The following DENND1A variants were observed in gnomAD, a reference collection of about 807,000 sequenced individuals.
The protein encoded by DENND1A is DENN domain containing 1A.
DENND1A carries 51 observed loss-of-function variants against 113.7 expected under a neutral mutation model. The ratio of observed to expected loss-of-function variants is 0.45; its 90% confidence interval spans 0.36 to 0.57. DENND1A has a LOEUF of 0.57. DENND1A is among the 20% of genes least tolerant of loss of function. The pLI is 0.00. For missense variants in DENND1A, 1,258 were observed against 1,395.9 expected, an observed-to-expected ratio of 0.90 and a Z score of 1.57; for synonymous variants, 565 against 570.8, an observed-to-expected ratio of 0.99 and a Z score of 0.14.
intron 3 of DENND1A, among the ~76,000 whole-genome samples, chr9:123,779,576 T>C (rs1298554313): frequency 2.0e-5 from 3 of 152,214 alleles, no homozygotes; most frequent in South Asian, 4.1e-4. Context: ...CTTGGCTCAC[T>C]GCAATCTCTG....
intron 5 of DENND1A, among the ~76,000 whole-genome samples, chr9:123,754,741 A>G (rs1327431901): frequency 6.6e-6 from 1 of 152,214 alleles, no homozygotes; most frequent in Non-Finnish European, 1.5e-5. Flanking sequence ...TTTAAAAAAC[A>G]CATCAATTGC....
At chr9:123,631,692 C>G (rs1254963649) in intron 9 of DENND1A, among the ~76,000 whole-genome samples, 1 of 152,194 alleles carries the variant, frequency 6.6e-6, no homozygotes, top group East Asian at 1.9e-4. Context: ...ATCAATTGCT[C>G]TGGCACTGTT....
rs552956786 is a variant in DENND1A, at chr9:123,928,611, T to C, written c.17+1278A>G. Reference sequence around the variant, plus strand: ...TTTCATTACCATAAGCAAACTTTTCTAGTTTCATTCAGCAGATGTCTCAAG... The same window carrying C: ...TTTCATTACCATAAGCAAACTTTTCCAGTTTCATTCAGCAGATGTCTCAAG... On this transcript the variant is annotated intron_variant, in intron 1 of 23. Transcript: ENST00000394215. The C allele has an allele frequency of 1.5e-5, 15 of 985,482 alleles. 1 individual carries two copies. The South Asian group carries it at 6.6e-4, about 43-fold the overall frequency. 61.0% of individuals were successfully genotyped at this position (985,482 alleles called of 1,614,324 possible).
intron 2 of DENND1A, among the ~76,000 whole-genome samples, chr9:123,835,212 C>T (rs952501944): frequency 6.6e-5 from 10 of 151,574 alleles, no homozygotes; most frequent in South Asian, 2.1e-4. Context: ...AAATAGCAAA[C>T]GTGAAAAAGG....
chr9:123,795,504 C>T (rs1401013114), intron 2 of DENND1A, among the ~76,000 whole-genome samples: 1 of 152,184 alleles, frequency 6.6e-6, no homozygotes, highest in African/African-American at 2.4e-5. Flanking sequence ...ACCTAGCACC[C>T]TGCAGTTAAG....
chr9:123,415,337 G>A (rs769104603), intron 19 of DENND1A, among the ~76,000 whole-genome samples: 9 of 152,180 alleles, frequency 5.9e-5, no homozygotes, highest in Non-Finnish European at 1.3e-4. Context: ...TTGTTATGAT[G>A]CTGGAGCATA....
intron 5 of DENND1A, among the ~76,000 whole-genome samples, chr9:123,730,402 T>G (rs2068070830): frequency 6.6e-6 from 1 of 151,574 alleles, no homozygotes; most frequent in Admixed American, 6.6e-5. Context: ...GAACTTAAAT[T>G]TACAAGAAAA....
intron 13 of DENND1A, among the ~76,000 whole-genome samples, chr9:123,538,530 T>C (rs1401308838): frequency 1.3e-5 from 2 of 151,936 alleles, no homozygotes; most frequent in Admixed American, 1.3e-4. Flanking sequence ...TAATATCAGA[T>C]AGCAAGAGAG....
At chr9:123,598,682 C>T (rs930629317) in intron 11 of DENND1A, among the ~76,000 whole-genome samples, 27 of 152,116 alleles carry the variant, frequency 1.8e-4, no homozygotes, top group Non-Finnish European at 3.4e-4. Context: ...AAAATCATAG[C>T]TATCTTTTTC....
intron 19 of DENND1A, among the ~76,000 whole-genome samples, chr9:123,433,752 C>T (rs1200844003): frequency 6.6e-6 from 1 of 152,114 alleles, no homozygotes; most frequent in East Asian, 1.9e-4. Flanking sequence ...CAGATAAAAC[C>T]TTTACGCCTA....
chr9:123,786,787 T>C (rs1832250996), intron 3 of DENND1A, among the ~76,000 whole-genome samples: 1 of 152,300 alleles, frequency 6.6e-6, no homozygotes, highest in African/African-American at 2.4e-5. Flanking sequence ...TCAAATGAAT[T>C]TACAAATTCT....
chr9:123,894,842 G>A (rs1008988006), intron 1 of DENND1A, among the ~76,000 whole-genome samples: 2 of 152,134 alleles, frequency 1.3e-5, no homozygotes, highest in Non-Finnish European at 2.9e-5. Flanking sequence ...GGGAACCAGT[G>A]AGCTACAGCA....
At chr9:123,435,370 C>T (rs960319665) in intron 19 of DENND1A, among the ~76,000 whole-genome samples, 5 of 152,154 alleles carry the variant, frequency 3.3e-5, no homozygotes, top group Non-Finnish European at 5.9e-5. Flanking sequence ...AGAGACAAGC[C>T]GGCAACCACA....
At chr9:123,849,205 T>C (rs761606285) in intron 2 of DENND1A, among the ~76,000 whole-genome samples, 15 of 152,202 alleles carry the variant, frequency 9.9e-5, no homozygotes, top group Admixed American at 2.0e-4. Context: ...CAAAACCAGC[T>C]TCAAAGGACA....
At chr9:123,924,369 T>TA (rs989874967) in intron 1 of DENND1A, among the ~76,000 whole-genome samples, 6 of 152,156 alleles carry the variant, frequency 3.9e-5, no homozygotes, top group African/African-American at 9.7e-5. Context: ...TAAAACCACT[T>TA]AAAAAAGTAA....
At position 123,414,298 on chromosome 9, in the gene DENND1A, C is replaced by T; in HGVS notation, c.1489-2469G>A. ...CGTCAGGTTCTTTGCACAGTGCCAC[C>T]AACAGACATTAGCAACCATTACCAT... On this transcript the variant is annotated intron_variant, in intron 19 of 23. Coordinates refer to ENST00000394215, the MANE Select transcript of DENND1A (RefSeq NM_001352964.2). The T allele has an allele frequency of 2.9e-6, 4 of 1,385,182 alleles. No homozygotes were observed. In the South Asian group the frequency reaches 4.8e-5, roughly 17 times the overall value. The allele number at this position is 1,385,182 out of a possible 1,614,324, so 85.8% of individuals were successfully genotyped here. A position where few individuals can be genotyped will look rare whatever the true frequency, so the allele number is the denominator to read the frequency against.
intron 2 of DENND1A, among the ~76,000 whole-genome samples, chr9:123,867,427 C>A (rs896945263): frequency 1.3e-5 from 2 of 152,120 alleles, no homozygotes; most frequent in African/African-American, 4.8e-5. Context: ...CTGGGGAAAT[C>A]AGTCTTACAT....
intron 5 of DENND1A, among the ~76,000 whole-genome samples, chr9:123,700,747 G>T (rs1040663241): frequency 1.3e-5 from 2 of 152,106 alleles, no homozygotes; most frequent in East Asian, 3.9e-4. Flanking sequence ...ACTAGTGTTT[G>T]ACCAAATAAT....
chr9:123,764,930 A>G lies in DENND1A; in HGVS notation c.182+4584T>C, dbSNP rs1271198503. Among the ~76,000 whole-genome samples, 4 of 152,130 alleles carry G rather than the reference A, an allele frequency of 2.6e-5. No homozygotes were observed. The highest frequency in any genetic ancestry group is 9.7e-5 in the African/African-American group (4 of 41,414). ...CTTCGTTGTCATCAACACTGTAGAAAATAATCATGGGGCACAGCTGAACCT... is the reference window on the plus strand; with the variant it reads ...CTTCGTTGTCATCAACACTGTAGAAGATAATCATGGGGCACAGCTGAACCT... On this transcript the variant is annotated intron_variant, in intron 4 of 23. Coordinates refer to ENST00000394215, the MANE Select transcript of DENND1A (RefSeq NM_001352964.2). This position sits in a 1 kb window ranked among gnomAD's most constrained non-coding sequence, Gnocchi z 4.1.
Sources: allele counts gnomAD v4.1 joint callset (sites outside exome capture counted in the v4.1 genomes callset), GRCh38; gene constraint gnomAD v4.1.1; non-coding constraint Gnocchi (gnomAD v3.1); transcripts MANE v1.5; gene names NCBI Gene and HGNC (gene_info 2026-07-23, HGNC 2026-07-21).